NECTIN2: variants seen among roughly 807,000 people sequenced by gnomAD.
NECTIN2 encodes nectin-2.
NECTIN2 carries 23 observed loss-of-function variants against 56.9 expected under a neutral mutation model. The observed-to-expected ratio is 0.40, with a 90% CI of 0.29 to 0.57. NECTIN2 has a LOEUF of 0.57. Among genes scored for constraint, NECTIN2 ranks in the 20% least tolerant of loss-of-function variants. The pLI, the probability that NECTIN2 is intolerant of heterozygous loss-of-function variation, is 0.38. For synonymous variants in NECTIN2, 302 were observed against 313.8 expected, an observed-to-expected ratio of 0.96 and a Z score of 0.40; for missense variants, 587 against 718.3, an observed-to-expected ratio of 0.82 and a Z score of 2.09.
At position 44,874,034 on chromosome 19, in the gene NECTIN2, G is replaced by A. The variant is rs1396818561; in HGVS notation, c.893+1G>A. ...AGCCCACGGGCTATGACTGGAGCAC[G>A]TGAGTCACGTGGTCTCAGAACCCTG... On this transcript the variant is annotated splice_donor_variant, in intron 4 of 8. Coordinates refer to ENST00000252483, the MANE Select transcript of NECTIN2 (RefSeq NM_001042724.2). LOFTEE classifies it high-confidence loss of function. The surrounding 1 kb of genome is among the most constrained non-coding windows in gnomAD (Gnocchi z 6.3). 2.5e-6 allele frequency: 4 copies of A among 1,608,530 alleles called. No individual in the cohort carries two copies. Among genetic ancestry groups the A allele is most frequent in the African/African-American group, 1.3e-5 (1 of 74,802 alleles).
At chr19:44,862,221 T>G (rs531862780) in intron 1 of NECTIN2, among the ~76,000 whole-genome samples, 2 of 152,194 alleles carry the variant, frequency 1.3e-5, no homozygotes, top group Admixed American at 6.5e-5. Context: ...GAGACCATTC[T>G]GGGTAACACG....
chr19:44,875,803 A>T lies in NECTIN2; in HGVS notation c.1042+1325A>T, dbSNP rs387976. Among the ~76,000 whole-genome samples the T allele has an allele frequency of 6.6e-6, 1 of 151,772 alleles. No homozygotes were observed. Among genetic ancestry groups the T allele is most frequent in the East Asian group, 1.9e-4 (1 of 5,166 alleles). ...CAGGGACACCCGAGGGAAAACAGAC[A>T]CCTCTTCAGGAATCCAGATACAGCC... On this transcript the variant is annotated intron_variant, in intron 5 of 8. Coordinates refer to ENST00000252483, the MANE Select transcript of NECTIN2 (RefSeq NM_001042724.2). This position sits in a 1 kb window ranked among gnomAD's most constrained non-coding sequence, Gnocchi z 4.2.
intron 2 of NECTIN2, among the ~76,000 whole-genome samples, chr19:44,867,776 C>T (rs535744977): frequency 6.6e-6 from 1 of 152,116 alleles, no homozygotes; most frequent in East Asian, 1.9e-4. Context: ...CAGGTGGAGG[C>T]GAGGAGGCTG....
chr19:44,866,492 T>C (rs1231623269), intron 2 of NECTIN2, among the ~76,000 whole-genome samples: 2 of 151,978 alleles, frequency 1.3e-5, no homozygotes, highest in East Asian at 3.9e-4. Context: ...TAAGGAGGTC[T>C]GGGGATATTT....
chr19:44,859,953 C>A (rs893092924), intron 1 of NECTIN2, among the ~76,000 whole-genome samples: 1 of 152,144 alleles, frequency 6.6e-6, no homozygotes, highest in Non-Finnish European at 1.5e-5. Context: ...TTGAAACAAC[C>A]TCAATGCCTA....
intron 6 of NECTIN2, among the ~76,000 whole-genome samples, chr19:44,884,478 T>C (rs886132935): frequency 6.6e-6 from 1 of 152,076 alleles, no homozygotes; most frequent in African/African-American, 2.4e-5. Context: ...TACCACAAGC[T>C]CTCTAAGTTT....
At position 44,870,516 on chromosome 19, in the gene NECTIN2, T is replaced by C. The variant is rs79588336; in HGVS notation, c.479-1337T>C. Reference sequence around the variant, plus strand: ...AGCTGCTATTCTTCCTGGAGTTTTGTTTTTGTGATTTTTTTCCATGTTTTC... The same window carrying C: ...AGCTGCTATTCTTCCTGGAGTTTTGCTTTTGTGATTTTTTTCCATGTTTTC... On this transcript the variant is annotated intron_variant, in intron 2 of 8. Transcript: ENST00000252483. 5.3e-3 allele frequency among the ~76,000 whole-genome samples: 800 copies of C among 152,112 alleles called. 2 individuals carry two copies. The highest frequency in any genetic ancestry group is 0.019 in the African/African-American group (776 of 41,468).
At chr19:44,847,715 C>A (rs931622523) in intron 1 of NECTIN2, among the ~76,000 whole-genome samples, 1 of 152,154 alleles carries the variant, frequency 6.6e-6, no homozygotes, top group Admixed American at 6.5e-5. Context: ...CTCGCCGAGC[C>A]AGGGAGGGGC....
At chr19:44,871,226 A>C (rs1177330793) in intron 2 of NECTIN2, among the ~76,000 whole-genome samples, 1 of 152,076 alleles carries the variant, frequency 6.6e-6, no homozygotes, top group Non-Finnish European at 1.5e-5. Flanking sequence ...CATCTCTGGC[A>C]GGGCGAAGAG....
rs888979799 is a variant in NECTIN2 at position 44,885,972 on chromosome 19, C to G, written c.1232C>G (p.Pro411Arg). Residue 411 changes from proline to arginine, a missense_variant, in exon 7 of 9, where the codon CCA becomes CGA. Pro to Arg is a moderately radical substitution (Grantham distance 103). Transcript: ENST00000252483. ...CCTCCCTCCTACAAGCCACCGACCC[C>G]AAAAGCGAAGCTGGAGGCACAGGAG... The part of the protein sequence containing the change: ...EGPPSYKPPT[P>R]KAKLEAQEMP... 1.9e-6 allele frequency: 3 copies of G among 1,604,376 alleles called. No individual in the cohort carries two copies. In the African/African-American group the frequency reaches 4.0e-5, roughly 21 times the overall value.
chr19:44,888,039 CA>C, intron 8 of NECTIN2, 70 bp from the exon 9 acceptor site: 3 of 1,528,806 alleles, frequency 2.0e-6, no homozygotes, highest in Non-Finnish European at 2.7e-6. Flanking sequence ...ATTTTGGGGT[CA>C]AGAGCAGATT....
chr19:44,875,454 C>T lies in NECTIN2; in HGVS notation c.1042+976C>T, dbSNP rs959283717. On this transcript the variant is annotated intron_variant, in intron 5 of 8. Transcript: ENST00000252483. This position sits in a 1 kb window ranked among gnomAD's most constrained non-coding sequence, Gnocchi z 4.2. ...CTAAGTTTTGTATTTTTAGTAGAGA[C>T]AGGGTTTCACCATATTGGTCAGGCT... Among the ~76,000 whole-genome samples the T allele has an allele frequency of 1.3e-5, 2 of 152,156 alleles. No homozygotes were observed. The highest frequency in any genetic ancestry group is 4.8e-5 in the African/African-American group (2 of 41,428).
intron 2 of NECTIN2, among the ~76,000 whole-genome samples, chr19:44,869,401 G>A (rs1249036156): frequency 6.6e-6 from 1 of 151,906 alleles, no homozygotes; most frequent in Admixed American, 6.6e-5. Flanking sequence ...GACCATCCTG[G>A]CTAACACGGT....
chr19:44,852,754 AG>A (rs1968915923), intron 1 of NECTIN2, among the ~76,000 whole-genome samples: 1 of 152,086 alleles, frequency 6.6e-6, no homozygotes. Context: ...AGGAGGTGAC[AG>A]GGTTTCCTGA....
intron 1 of NECTIN2, among the ~76,000 whole-genome samples, chr19:44,854,948 A>AC: frequency 6.7e-6 from 1 of 149,110 alleles, no homozygotes; most frequent in Non-Finnish European, 1.5e-5. Flanking sequence ...ACATGGTGAA[A>AC]CCCCATCTCT....
At chr19:44,882,185 C>G (rs1969314912) in intron 5 of NECTIN2, 26 bp from the exon 6 acceptor site, 2 of 1,392,584 alleles carry the variant, frequency 1.4e-6, no homozygotes, top group Non-Finnish European at 1.9e-6. Flanking sequence ...CCTGGAGACC[C>G]CCTCACGCTG....
rs41290106 is a variant in NECTIN2 at position 44,873,827 on chromosome 19, G to A, written c.776-89G>A. 272 of 999,956 alleles carry A rather than the reference G, an allele frequency of 2.7e-4. 1 individual carries two copies. Among genetic ancestry groups the A allele is most frequent in the Middle Eastern group, 1.0e-3 (5 of 4,776 alleles). The allele number at this position is 999,956 out of a possible 1,614,324, so 61.9% of individuals were successfully genotyped here. On this transcript the variant is annotated intron_variant, in intron 3 of 8. Transcript: ENST00000252483. ...GCTGTACCTCCTGCCAACCCGCCCCGTTTCTTTAGCATTCCTGTCTATCTG... is the reference window on the plus strand; with the variant it reads ...GCTGTACCTCCTGCCAACCCGCCCCATTTCTTTAGCATTCCTGTCTATCTG...
intron 2 of NECTIN2, among the ~76,000 whole-genome samples, chr19:44,870,950 G>T (rs909813709): frequency 5.9e-5 from 9 of 152,048 alleles, no homozygotes; most frequent in Non-Finnish European, 1.3e-4. Flanking sequence ...CGCTAGTCTA[G>T]AACTCCTGAC....
At position 44,871,808 on chromosome 19, in the gene NECTIN2, G is replaced by A. The variant is rs531229929; in HGVS notation, c.479-45G>A. 5.1e-6 allele frequency: 8 copies of A among 1,581,138 alleles called. No homozygotes were observed. The South Asian group carries it at 9.1e-5, about 18-fold the overall frequency. On this transcript the variant is annotated intron_variant, in intron 2 of 8. Transcript: ENST00000252483. ...CTCCTCTGCTGAGTGTTTGTTGAAT[G>A]ACTGCCGGTGAGGAGTGACGCACCC...
Sources: allele counts gnomAD v4.1 joint callset (sites outside exome capture counted in the v4.1 genomes callset), GRCh38; gene constraint gnomAD v4.1.1; non-coding constraint Gnocchi (gnomAD v3.1); transcripts MANE v1.5; gene names NCBI Gene and HGNC (gene_info 2026-07-23, HGNC 2026-07-21).